The following ATAD1 variants were observed in gnomAD, a reference collection of about 807,000 sequenced individuals.
The protein encoded by ATAD1 is ATPase family AAA domain containing 1.
A neutral mutation model predicts 42.7 loss-of-function variants in ATAD1; 18 were observed. The observed-to-expected ratio is 0.42, with a 90% CI of 0.29 to 0.63. The LOEUF is 0.63. Ranked by LOEUF, ATAD1 falls within the 20% of genes least tolerant of loss-of-function variation. The probability of loss-of-function intolerance (pLI) is 0.19; values close to 1 mark genes in which losing one functional copy is unlikely to be tolerated. For missense variants in ATAD1, 294 were observed against 440.4 expected (o/e 0.67, Z 2.98); for synonymous variants, 132 against 143.1 (o/e 0.92, Z 0.55).
upstream of ATAD1, among the ~76,000 whole-genome samples, chr10:87,820,661 G>A (rs570935544): frequency 5.9e-5 from 9 of 152,282 alleles, no homozygotes; most frequent in South Asian, 2.1e-4. Flanking sequence ...CTACAAGCTC[G>A]AAAAGTGCTA....
At chr10:87,782,840 A>C (rs1047955196) in intron 5 of ATAD1, among the ~76,000 whole-genome samples, 1 of 152,158 alleles carries the variant, frequency 6.6e-6, no homozygotes, top group African/African-American at 2.4e-5. Context: ...CTACAAAAAA[A>C]TTAAAACATT....
chr10:87,779,827 A>T (rs968071307), intron 5 of ATAD1, among the ~76,000 whole-genome samples: 4 of 152,166 alleles, frequency 2.6e-5, no homozygotes, highest in African/African-American at 9.7e-5. Flanking sequence ...ATAAAACCAA[A>T]TGCTAGAGAA....
chr10:87,812,259 T>C (rs1052863667), intron 2 of ATAD1, among the ~76,000 whole-genome samples: 3 of 152,138 alleles, frequency 2.0e-5, no homozygotes, highest in African/African-American at 7.2e-5. Context: ...AAGTCTTCAA[T>C]TGGTCAACAG....
intron 4 of ATAD1, among the ~76,000 whole-genome samples, chr10:87,784,976 A>C (rs899337868): frequency 1.3e-5 from 2 of 152,190 alleles, no homozygotes; most frequent in Non-Finnish European, 2.9e-5. Flanking sequence ...TGAAAAACAA[A>C]ATCATCTAAG....
At chr10:87,836,582 A>AT (rs1165154047) in intron 1 of ATAD1, among the ~76,000 whole-genome samples, 1 of 151,816 alleles carries the variant, frequency 6.6e-6, no homozygotes, top group Non-Finnish European at 1.5e-5. Flanking sequence ...ATAATGTATC[A>AT]TTTTTTTCTA....
chr10:87,754,924 T>A, intron 9 of ATAD1, 117 bp from the exon 10 acceptor site: 4 of 1,240,542 alleles, frequency 3.2e-6, no homozygotes, highest in Non-Finnish European at 4.3e-6. Flanking sequence ...TGTTTTCAAC[T>A]GTAGAAAAGG....
intron 9 of ATAD1, among the ~76,000 whole-genome samples, chr10:87,755,572 T>G (rs1227778230): frequency 6.6e-6 from 1 of 152,076 alleles, no homozygotes; most frequent in Non-Finnish European, 1.5e-5. Flanking sequence ...TAAGCAAAAT[T>G]TACGAACTGG....
chr10:87,831,864 A>G (rs1034016379), intron 1 of ATAD1, among the ~76,000 whole-genome samples: 2 of 152,288 alleles, frequency 1.3e-5, no homozygotes, highest in Middle Eastern at 3.4e-3. Context: ...CTTTGCATAT[A>G]TCAACTCATG....
In ATAD1 at chr10:87,809,641, T is replaced by TTTTATTTATTTATTTA. The variant is rs144658707; in HGVS notation, c.162+4781_162+4796dup. ...AGTCCTAATTTTTTTTATTTATTAA[T>TTTTATTTATTTATTTA]TTTATTTATTTATTTATTTATTTAT... On this transcript the variant is annotated intron_variant, in intron 2 of 9. Coordinates refer to ENST00000680024, the MANE Select transcript of ATAD1 (RefSeq NM_001321967.2). 2.7e-3 allele frequency among the ~76,000 whole-genome samples: 404 copies of TTTTATTTATTTATTTA among 150,348 alleles called. 6 individuals carry two copies. In the Middle Eastern group the frequency reaches 0.058, roughly 22 times the overall value.
chr10:87,786,582 G>C (rs563981614), intron 4 of ATAD1, among the ~76,000 whole-genome samples: 26 of 152,356 alleles, frequency 1.7e-4, no homozygotes, highest in African/African-American at 6.0e-4. Flanking sequence ...GGCTGTAACA[G>C]AGAAGGTACA....
At chr10:87,811,056 GAC>G (rs1857153591) in intron 2 of ATAD1, among the ~76,000 whole-genome samples, 1 of 152,106 alleles carries the variant, frequency 6.6e-6, no homozygotes, top group Non-Finnish European at 1.5e-5. Flanking sequence ...TTTTAGGCCA[GAC>G]ACAGTGGCCC....
intron 2 of ATAD1, among the ~76,000 whole-genome samples, chr10:87,811,334 A>AAATAAATAAATAAAT (rs1857172134): frequency 6.7e-6 from 1 of 149,600 alleles, no homozygotes; most frequent in Admixed American, 6.7e-5. Context: ...CTCCAACTCA[A>AAATAAATAAATAAAT]AAATAAATAA....
intron 2 of ATAD1, among the ~76,000 whole-genome samples, chr10:87,808,833 C>CTA (rs1857048642): frequency 6.6e-6 from 1 of 151,998 alleles, no homozygotes; most frequent in Non-Finnish European, 1.5e-5. Flanking sequence ...ATTCTTATAC[C>CTA]AATTTAGAAG....
chr10:87,782,061 T>C (rs1448342542), intron 5 of ATAD1, among the ~76,000 whole-genome samples: 2 of 152,066 alleles, frequency 1.3e-5, no homozygotes, highest in African/African-American at 4.8e-5. Context: ...CTTAGCAGGC[T>C]AAATGAAAAT....
intron 2 of ATAD1, among the ~76,000 whole-genome samples, chr10:87,798,499 G>A (rs1252079683): frequency 6.6e-6 from 1 of 151,614 alleles, no homozygotes; most frequent in African/African-American, 2.4e-5. Context: ...CTTTGAATCT[G>A]CTGTTATTTT....
chr10:87,776,483 T>C, intron 5 of ATAD1, 56 bp from the exon 6 acceptor site: 7 of 1,436,348 alleles, frequency 4.9e-6, no homozygotes, highest in Non-Finnish European at 6.8e-6. Flanking sequence ...TTACCCTTTT[T>C]TTTGAGACAG....
rs1854110186 is a variant in ATAD1, at chr10:87,753,856, G to A, written c.*831C>T. On this transcript the variant is annotated 3_prime_UTR_variant, in exon 10 of 10. Transcript: ENST00000680024. ...TGTACATGTATTAAAGGGTACTGAG[G>A]TTTTTCAAACCCATTCTTTTGAAAG... The A allele has an allele frequency of 6.6e-6, 1 of 152,472 alleles. No homozygotes were observed. The highest frequency in any genetic ancestry group is 2.4e-5 in the African/African-American group (1 of 41,414). The allele number at this position is 152,472 out of a possible 1,614,324, so 9.4% of individuals were successfully genotyped here.
At chr10:87,804,369 G>T (rs1240365518) in intron 2 of ATAD1, among the ~76,000 whole-genome samples, 3 of 152,006 alleles carry the variant, frequency 2.0e-5, no homozygotes, top group African/African-American at 7.2e-5. Context: ...AAATTATATA[G>T]TCTAATTATT....
chr10:87,819,732 G>A (rs925293164), upstream of ATAD1, among the ~76,000 whole-genome samples: 1 of 152,146 alleles, frequency 6.6e-6, no homozygotes, highest in African/African-American at 2.4e-5. Flanking sequence ...ACATAGGTCT[G>A]TCTAATTCAT....
Sources: allele counts gnomAD v4.1 joint callset (sites outside exome capture counted in the v4.1 genomes callset), GRCh38; gene constraint gnomAD v4.1.1; transcripts MANE v1.5; gene names NCBI Gene and HGNC (gene_info 2026-07-23, HGNC 2026-07-21).